Variants in ADCY8 observed in about 807,000 individuals in gnomAD.
ADCY8 encodes adenylate cyclase 8.
Under a neutral mutation model 119.7 loss-of-function variants are expected in ADCY8, and 51 were observed. The ratio of observed to expected loss-of-function variants is 0.43; its 90% CI spans 0.34 to 0.54. The LOEUF (loss-of-function observed/expected upper bound fraction) is 0.54, where lower values mean the gene tolerates loss of function less well. Ranked by LOEUF, ADCY8 falls within the 20% of genes least tolerant of loss-of-function variation. The pLI is 0.03. For synonymous variants in ADCY8, 665 were observed against 651.0 expected (o/e 1.02, Z -0.33); for missense variants, 1,383 against 1,598.8 (o/e 0.87, Z 2.30).
At chr8:131,029,969 A>G (rs1355819818) in intron 1 of ADCY8, among the ~76,000 whole-genome samples, 1 of 152,186 alleles carries the variant, frequency 6.6e-6, no homozygotes, top group African/African-American at 2.4e-5. Context: ...GCCAGATGCT[A>G]TGCTAGCTGC....
At chr8:130,849,869 C>T (rs1817460748) in intron 9 of ADCY8, 66 bp from the exon 10 acceptor site, 2 of 1,433,394 alleles carry the variant, frequency 1.4e-6, no homozygotes, top group Non-Finnish European at 1.9e-6. Context: ...AAATTCTATT[C>T]CTGGTCTTCC....
At chr8:130,938,156 TC>T (rs1820846102) in intron 4 of ADCY8, among the ~76,000 whole-genome samples, 1 of 152,158 alleles carries the variant, frequency 6.6e-6, no homozygotes, top group South Asian at 2.1e-4. Context: ...ACTGCCTCTG[TC>T]TTTTCTGTGA....
intron 1 of ADCY8, among the ~76,000 whole-genome samples, chr8:130,993,068 AATATT>A (rs1822651760): frequency 6.6e-6 from 1 of 152,148 alleles, no homozygotes. Context: ...GATAAAAAGA[AATATT>A]ATATGTCCTA....
At chr8:130,833,950 A>G (rs6984014) in intron 12 of ADCY8, among the ~76,000 whole-genome samples, 34,240 of 152,078 alleles carry the variant, frequency 0.23, 3,929 homozygotes, top group Admixed American at 0.26. Context: ...TAGTTAGACA[A>G]GAGAAATAAA....
intron 1 of ADCY8, among the ~76,000 whole-genome samples, chr8:131,030,988 C>A (rs1823978931): frequency 6.6e-6 from 1 of 152,138 alleles, no homozygotes; most frequent in Admixed American, 6.5e-5. Context: ...TGCAAAGCAA[C>A]CATGATGACA....
At chr8:130,976,169 G>C (rs1490097340) in intron 2 of ADCY8, among the ~76,000 whole-genome samples, 3 of 152,124 alleles carry the variant, frequency 2.0e-5, no homozygotes, top group African/African-American at 7.2e-5. Context: ...TGTGGGTCCT[G>C]AGACTTAAAT....
At chr8:130,944,428 C>G (rs768737423) in intron 3 of ADCY8, among the ~76,000 whole-genome samples, 3 of 152,256 alleles carry the variant, frequency 2.0e-5, no homozygotes, top group African/African-American at 7.2e-5. Context: ...TTAGCTGTGT[C>G]GAGCTTTTTA....
intron 4 of ADCY8, among the ~76,000 whole-genome samples, chr8:130,937,851 A>G (rs1008098893): frequency 6.6e-6 from 1 of 152,186 alleles, no homozygotes; most frequent in Non-Finnish European, 1.5e-5. Context: ...CCTATTATGC[A>G]CTATAAATAA....
chr8:130,824,402 C>T (rs1221926766), intron 12 of ADCY8, among the ~76,000 whole-genome samples: 2 of 152,152 alleles, frequency 1.3e-5, no homozygotes, highest in African/African-American at 2.4e-5. Context: ...AATTAGCTAG[C>T]GAACAGTGAA....
At chr8:130,969,792 C>T (rs962029181) in intron 2 of ADCY8, among the ~76,000 whole-genome samples, 20 of 152,132 alleles carry the variant, frequency 1.3e-4, no homozygotes, top group Admixed American at 1.2e-3. Context: ...GCATCATCTC[C>T]GCCCCTGCCA....
intron 14 of ADCY8, among the ~76,000 whole-genome samples, chr8:130,801,060 T>C (rs1207479899): frequency 6.6e-6 from 1 of 152,204 alleles, no homozygotes; most frequent in Non-Finnish European, 1.5e-5. Context: ...ATAGGAATTC[T>C]GGAGGATCAT....
intron 1 of ADCY8, among the ~76,000 whole-genome samples, chr8:131,015,466 G>T (rs1014520416): frequency 6.6e-6 from 1 of 152,130 alleles, no homozygotes; most frequent in African/African-American, 2.4e-5. Flanking sequence ...ACAAACATTT[G>T]CAGCAATTGC....
At chr8:130,937,005 G>T (rs1820806752) in intron 5 of ADCY8, 68 bp downstream of exon 5, 9 of 1,514,196 alleles carry the variant, frequency 5.9e-6, no homozygotes, top group Non-Finnish European at 7.1e-6. Context: ...TACCACAAAG[G>T]GTAGGTGAAG....
At chr8:130,909,312 A>C (rs1192688859) in intron 6 of ADCY8, among the ~76,000 whole-genome samples, 1 of 152,232 alleles carries the variant, frequency 6.6e-6, no homozygotes, top group Non-Finnish European at 1.5e-5. Flanking sequence ...ATGCATGGAA[A>C]GTCAGTAGGT....
chr8:130,814,057 C>T lies in ADCY8; in HGVS notation c.2913+12G>A, dbSNP rs373088629. 21 of 1,613,958 alleles carry T rather than the reference C, an allele frequency of 1.3e-5. No homozygotes were observed. The highest frequency in any genetic ancestry group is 1.7e-5 in the Non-Finnish European group (20 of 1,179,972). ...CACCCTTTCTCACTGGCTAGACCAG[C>T]CCCTGGCTCACCTCATTGTCTCGGT... On this transcript the variant is annotated intron_variant, in intron 14 of 17. Coordinates refer to ENST00000286355, the MANE Select transcript of ADCY8 (RefSeq NM_001115.3).
intron 13 of ADCY8, 47 bp downstream of exon 13, chr8:130,821,295 C>T: frequency 2.0e-6 from 3 of 1,532,308 alleles, no homozygotes; most frequent in Non-Finnish European, 2.7e-6. Flanking sequence ...TTGATGGTAA[C>T]AAGAAATGTC....
In ADCY8 at chr8:130,990,410, T is replaced by A. The variant is rs773806425; in HGVS notation, c.1093A>T (p.Thr365Ser). 8.4e-5 allele frequency: 135 copies of A among 1,614,010 alleles called. No homozygotes were observed. The highest frequency in any genetic ancestry group is 1.1e-4 in the Non-Finnish European group (129 of 1,180,002). Residue 365 changes from threonine (T) to serine (S), a missense_variant, in exon 2 of 18, where the codon ACA becomes TCA. Around this residue, in one of 2 missense-constraint regions of ADCY8, gnomAD observed 928 missense variants for 1,163.5 expected, o/e 0.80. Coordinates refer to ENST00000286355, the MANE Select transcript of ADCY8 (RefSeq NM_001115.3). ...GTTGGTACCTGTCTTTGGTTCTCTG[T>A]CTCCAGGCGCAGCCTGGCCTCCACA... Reference protein sequence around the residue: ...RCVEARLRLETENQRQERLVL... With the variant: ...RCVEARLRLESENQRQERLVL...
At chr8:130,833,238 CAA>C (rs1816892681) in intron 12 of ADCY8, among the ~76,000 whole-genome samples, 1 of 152,136 alleles carries the variant, frequency 6.6e-6, no homozygotes, top group African/African-American at 2.4e-5. Flanking sequence ...CAAAAAGACC[CAA>C]GTTTGAATAC....
At chr8:130,913,876 T>G (rs1385460340) in intron 5 of ADCY8, among the ~76,000 whole-genome samples, 1 of 152,222 alleles carries the variant, frequency 6.6e-6, no homozygotes, top group Non-Finnish European at 1.5e-5. Flanking sequence ...GTTCTCATCT[T>G]GTTCCATCAC....
Sources: allele counts gnomAD v4.1 joint callset (sites outside exome capture counted in the v4.1 genomes callset), GRCh38; gene constraint gnomAD v4.1.1; regional missense constraint gnomAD v4.1.1; transcripts MANE v1.5; gene names NCBI Gene and HGNC (gene_info 2026-07-23, HGNC 2026-07-21).